DNAH3: variants seen among roughly 807,000 people sequenced by gnomAD.
The protein encoded by DNAH3 is dynein axonemal heavy chain 3, also known as axonemal beta dynein heavy chain 3.
Under a neutral mutation model 432.5 loss-of-function variants are expected in DNAH3, and 332 were observed. That is an observed-to-expected ratio of 0.77 (90% CI 0.70 to 0.84). The LOEUF is 0.84. Among genes scored for constraint, DNAH3 ranks in the 40% least tolerant of loss-of-function variants. The pLI is 0.00. For missense variants in DNAH3, 4,861 were observed against 5,114.0 expected (o/e 0.95, Z 1.51); for synonymous variants, 1,956 against 1,900.2 (o/e 1.03, Z -0.76).
At chr16:21,061,715 T>C (rs1378819004) in intron 25 of DNAH3, among the ~76,000 whole-genome samples, 1 of 152,250 alleles carries the variant, frequency 6.6e-6, no homozygotes, top group Admixed American at 6.5e-5. Context: ...TAAAAAATAC[T>C]GATGACTGAC....
At chr16:21,031,222 C>A (rs146137853) in exon 37 of DNAH3, 103 of 1,613,990 alleles carry the variant, frequency 6.4e-5, no homozygotes, top group Non-Finnish European at 8.6e-5. Flanking sequence ...CATACAGCTG[C>A]CCCATCGTGA....
chr16:21,067,453 A>T (rs759047839), intron 23 of DNAH3, 34 bp from the exon 24 acceptor site: 9 of 1,610,216 alleles, frequency 5.6e-6, no homozygotes, highest in Non-Finnish European at 7.6e-6. Flanking sequence ...GACTCATCAT[A>T]AGGTTCCCAA....
intron 21 of DNAH3, among the ~76,000 whole-genome samples, chr16:21,072,015 A>C (rs11639871): frequency 0.16 from 24,960 of 152,124 alleles, 2,696 homozygotes; most frequent in East Asian, 0.46. Flanking sequence ...AAAATAAAAT[A>C]CAGCTATTAG....
chr16:21,049,442 C>A, intron 31 of DNAH3, 127 bp downstream of exon 31: 1 of 676,244 alleles, frequency 1.5e-6, no homozygotes, highest in Non-Finnish European at 2.5e-6. Flanking sequence ...TCACTGAGTA[C>A]CTGCTTTGGA....
At chr16:21,041,380 G>A (rs1358249431) in intron 32 of DNAH3, among the ~76,000 whole-genome samples, 1 of 151,838 alleles carries the variant, frequency 6.6e-6, no homozygotes, top group Non-Finnish European at 1.5e-5. Flanking sequence ...CAAAAAAAAA[G>A]AGAGAGAGAA....
intron 53 of DNAH3, among the ~76,000 whole-genome samples, chr16:20,959,651 A>ACACACACACT: frequency 6.9e-6 from 1 of 145,238 alleles, no homozygotes; most frequent in Non-Finnish European, 1.5e-5. Flanking sequence ...ACACACACAC[A>ACACACACACT]CACACCCCAA....
intron 39 of DNAH3, among the ~76,000 whole-genome samples, chr16:21,022,514 T>C (rs1373888379): frequency 2.6e-5 from 4 of 152,230 alleles, no homozygotes; most frequent in Non-Finnish European, 4.4e-5. Context: ...GACTCCTGTA[T>C]AAATTAGTCA....
chr16:21,136,668 T>G, intron 5 of DNAH3, 155 bp from the exon 7 acceptor site: 1 of 696,266 alleles, frequency 1.4e-6, no homozygotes, highest in Admixed American at 2.6e-5. Flanking sequence ...CGCTTCACAC[T>G]CATGGCAAGA....
intron 12 of DNAH3, among the ~76,000 whole-genome samples, chr16:21,113,236 G>T (rs2152805408): frequency 6.6e-6 from 1 of 152,316 alleles, no homozygotes; most frequent in South Asian, 2.1e-4. Flanking sequence ...GAGGGACCCA[G>T]GGGGAGGTAG....
chr16:21,152,040 G>C (rs890314069), intron 1 of DNAH3, among the ~76,000 whole-genome samples: 4 of 152,070 alleles, frequency 2.6e-5, no homozygotes, highest in Admixed American at 2.0e-4. Context: ...TTTGAGACCA[G>C]CTTGGCCAAC....
exon 53 of DNAH3, chr16:20,963,805 T>C (rs766458155): frequency 7.4e-6 from 12 of 1,613,716 alleles, no homozygotes; most frequent in Non-Finnish European, 1.0e-5. Flanking sequence ...ACGGCACACG[T>C]TGTTGTAGAT....
chr16:20,940,361 C>T (rs1392171736), intron 59 of DNAH3, among the ~76,000 whole-genome samples: 1 of 152,034 alleles, frequency 6.6e-6, no homozygotes, highest in Non-Finnish European at 1.5e-5. Flanking sequence ...CATGCTCAGC[C>T]TCAGTTTTCT....
At chr16:21,106,587 T>C (rs2091952097) in exon 15 of DNAH3, 2 of 1,611,958 alleles carry the variant, frequency 1.2e-6, no homozygotes, top group Non-Finnish European at 1.7e-6. Context: ...TGGATTTCTT[T>C]AGGAATTCAA....
At chr16:21,125,316 A>G (rs1317602703) in exon 9 of DNAH3, 3 of 1,613,448 alleles carry the variant, frequency 1.9e-6, no homozygotes, top group Non-Finnish European at 2.5e-6. Flanking sequence ...TGGGAGCAAA[A>G]TGAATCCAGT....
chr16:21,058,966 GCAT>G (rs1157208086), intron 26 of DNAH3, among the ~76,000 whole-genome samples: 1 of 151,850 alleles, frequency 6.6e-6, no homozygotes, highest in African/African-American at 2.4e-5. Flanking sequence ...TAACAGACCT[GCAT>G]GTTCTGCACA....
chr16:21,070,912 C>A, intron 21 of DNAH3, 86 bp from the exon 22 acceptor site: 2 of 851,690 alleles, frequency 2.3e-6, no homozygotes, highest in Non-Finnish European at 3.9e-6. Context: ...TTATTTGAGA[C>A]AGGGTCTCCT....
intron 15 of DNAH3, among the ~76,000 whole-genome samples, chr16:21,105,424 G>A (rs1048871165): frequency 6.6e-6 from 1 of 152,188 alleles, no homozygotes; most frequent in Non-Finnish European, 1.5e-5. Flanking sequence ...ATACACAGGA[G>A]CATGAAGAAA....
At chr16:21,123,382 T>C (rs1202410324) in intron 9 of DNAH3, among the ~76,000 whole-genome samples, 1 of 152,216 alleles carries the variant, frequency 6.6e-6, no homozygotes, top group East Asian at 1.9e-4. Flanking sequence ...ATACCTACTG[T>C]ATATCAAATA....
intron 41 of DNAH3, among the ~76,000 whole-genome samples, chr16:21,008,910 C>T (rs1053735391): frequency 3.9e-5 from 6 of 152,152 alleles, no homozygotes; most frequent in African/African-American, 9.7e-5. Flanking sequence ...GATTAAAAAA[C>T]GTTTGTTGTT....
Sources: allele counts gnomAD v4.1 joint callset (sites outside exome capture counted in the v4.1 genomes callset), GRCh38; gene constraint gnomAD v4.1.1; transcripts MANE v1.5; gene names NCBI Gene and HGNC (gene_info 2026-07-23, HGNC 2026-07-21).